The following IL4R variants were observed in gnomAD, a reference collection of about 807,000 sequenced individuals.
IL4R encodes the protein interleukin-4 receptor subunit alpha.
IL4R carries 17 observed loss-of-function variants against 41.5 expected under a neutral mutation model. The observed-to-expected ratio is 0.41, with a 90% CI of 0.28 to 0.61. The LOEUF is 0.61. Among genes scored for constraint, IL4R ranks in the 20% least tolerant of loss-of-function variants. The pLI, the probability that IL4R is intolerant of heterozygous loss-of-function variation, is 0.31. For synonymous variants in IL4R, 402 were observed against 422.9 expected (o/e 0.95, Z 0.61); for missense variants, 974 against 1,043.1 (o/e 0.93, Z 0.91).
In IL4R at chr16:27,363,775, C is replaced by T. The variant is rs764361627; in HGVS notation, c.2423C>T (p.Thr808Ile). Residue 808 changes from threonine (T) to isoleucine (I), a missense_variant, in exon 11 of 11, where the codon ACC becomes ATC. Thr to Ile is a moderately conservative substitution (Grantham distance 89). This residue lies in a region of IL4R where 682 missense variants were observed against 704.3 expected (regional missense o/e 0.97). Transcript: ENST00000395762. ...APGNAQSSSQ[T>I]PKIVNFVSVG... ...GGCAATGCTCAGAGCTCAAGCCAGA[C>T]CCCCAAAATCGTGAACTTTGTCTCC... The T allele has an allele frequency of 1.5e-5, 24 of 1,611,068 alleles. No individual in the cohort carries two copies. The highest frequency in any genetic ancestry group is 1.3e-5 in the Non-Finnish European group (15 of 1,179,994).
At chr16:27,358,214 C>G (rs904673370) in intron 8 of IL4R, among the ~76,000 whole-genome samples, 1 of 152,222 alleles carries the variant, frequency 6.6e-6, no homozygotes, top group Admixed American at 6.5e-5. Context: ...ATTTCTGTCT[C>G]CATTTATCAT....
chr16:27,315,152 T>TGC (rs1567300015), intron 1 of IL4R, among the ~76,000 whole-genome samples: 1 of 152,168 alleles, frequency 6.6e-6, no homozygotes, highest in Non-Finnish European at 1.5e-5. Flanking sequence ...CTGCCCCCAG[T>TGC]AGCCTATGAG....
At chr16:27,329,461 A>G (rs1337161798) in intron 1 of IL4R, among the ~76,000 whole-genome samples, 1 of 152,042 alleles carries the variant, frequency 6.6e-6, no homozygotes, top group East Asian at 1.9e-4. Context: ...GGATCACTTG[A>G]GGTCAGGAGT....
intron 2 of IL4R, among the ~76,000 whole-genome samples, chr16:27,332,445 A>G (rs575512888): frequency 4.6e-5 from 7 of 152,066 alleles, no homozygotes; most frequent in Non-Finnish European, 1.0e-4. Context: ...ATCACCTCCC[A>G]TGAGGTCCTT....
At chr16:27,352,157 T>TAA (rs1353254251) in intron 6 of IL4R, among the ~76,000 whole-genome samples, 6 of 152,286 alleles carry the variant, frequency 3.9e-5, no homozygotes, top group Non-Finnish European at 7.3e-5. Context: ...GATAGGCACT[T>TAA]TTATTATCTT....
chr16:27,333,093 G>C (rs753524575), intron 2 of IL4R, among the ~76,000 whole-genome samples: 2 of 151,762 alleles, frequency 1.3e-5, no homozygotes, highest in Non-Finnish European at 2.9e-5. Flanking sequence ...AATGTGGTCT[G>C]TCTTGGTGAT....
Position 27,364,024 on chromosome 16 carries a change from G to T in IL4R, c.*194G>T. ...GAGACTGGACCCCGCCCAGCATTGG[G>T]CTGGGCTCGCCACATCCCATGAGAG... is the stretch of plus-strand genomic sequence containing the variant. On this transcript the variant is annotated 3_prime_UTR_variant, in exon 11 of 11. Coordinates refer to ENST00000395762, the MANE Select transcript of IL4R (RefSeq NM_000418.4). 1.6e-6 allele frequency: 1 copy of T among 638,236 alleles called. No homozygotes were observed. The highest frequency in any genetic ancestry group is 2.0e-5 in the South Asian group (1 of 49,864). 39.5% of individuals were successfully genotyped at this position (638,236 alleles called of 1,614,324 possible). A position where few individuals can be genotyped will look rare whatever the true frequency, so the allele number is the denominator to read the frequency against.
intron 3 of IL4R, among the ~76,000 whole-genome samples, chr16:27,340,793 G>C (rs760056647): frequency 1.3e-5 from 2 of 152,154 alleles, no homozygotes; most frequent in Admixed American, 6.6e-5. Context: ...GGGTGGAGTG[G>C]GGGGGATTGC....
At chr16:27,362,161 A>AG in intron 10 of IL4R, 91 bp from the exon 11 acceptor site, 1 of 1,238,794 alleles carries the variant, frequency 8.1e-7, no homozygotes, top group Non-Finnish European at 1.2e-6. Context: ...GACAGCCATC[A>AG]GGACATGGTG....
chr16:27,330,439 C>G (rs2085082639), intron 2 of IL4R, among the ~76,000 whole-genome samples: 3 of 151,862 alleles, frequency 2.0e-5, no homozygotes, highest in South Asian at 2.1e-4. Context: ...GAGACCCCTG[C>G]TTCTATGCTG....
chr16:27,359,841 C>G (rs1235016674), intron 9 of IL4R: 1 of 456,416 alleles, frequency 2.2e-6, no homozygotes, highest in East Asian at 6.9e-5. Context: ...AACAAACGAC[C>G]CCGAAATGTA....
chr16:27,317,290 C>T (rs569285042), intron 1 of IL4R, among the ~76,000 whole-genome samples: 3 of 152,126 alleles, frequency 2.0e-5, no homozygotes, highest in South Asian at 4.1e-4. Context: ...AACTGAGACC[C>T]GGAGATGAAT....
chr16:27,328,205 C>CAAAAAAAAAAAAAAAAAAA (rs779355998), intron 1 of IL4R, among the ~76,000 whole-genome samples: 2 of 70,508 alleles, frequency 2.8e-5, no homozygotes, highest in African/African-American at 1.0e-4. Context: ...GGCTCCATCT[C>CAAAAAAAAAAAAAAAAAAA]AAAAAAAAAA....
Position 27,336,843 on chromosome 16 carries a change from C to T in IL4R, c.-18-3343C>T, listed in dbSNP as rs540750945. On this transcript the variant is annotated intron_variant, in intron 2 of 10. Transcript: ENST00000395762. ...CCTGTAATCCCAGCACTTTGGGAGG[C>T]TGAGGCAGGCGGATCACCTGGGGTC... Among the ~76,000 whole-genome samples, 21 of 152,100 alleles carry T rather than the reference C, an allele frequency of 1.4e-4. No homozygotes were observed. In the South Asian group the frequency reaches 4.1e-3, roughly 30 times the overall value.
intron 6 of IL4R, among the ~76,000 whole-genome samples, chr16:27,352,082 A>G (rs983851645): frequency 3.9e-5 from 6 of 151,972 alleles, no homozygotes; most frequent in Non-Finnish European, 7.4e-5. Flanking sequence ...TGTATACCAA[A>G]CCCTATTTGA....
chr16:27,322,236 T>C (rs1415347023), intron 1 of IL4R, among the ~76,000 whole-genome samples: 1 of 152,150 alleles, frequency 6.6e-6, no homozygotes, highest in African/African-American at 2.4e-5. Context: ...GTTAAGTGCA[T>C]AGCCATATGA....
In IL4R at chr16:27,362,597, C is replaced by T. The variant is rs35357296; in HGVS notation, c.1245C>T (p.Leu415=). The T allele has an allele frequency of 3.0e-5, 48 of 1,614,106 alleles. No individual in the cohort carries two copies. Among genetic ancestry groups the T allele is most frequent in the African/African-American group, 2.4e-4 (18 of 75,006 alleles). The stretch of plus-strand genomic sequence containing the variant: ...CAGAGAGCCTGTTCCTGGACCTGCT[C>T]GGAGAGGAGAATGGGGGCTTTTGCC... ...RLTESLFLDL[L]GEENGGFCQQ... is the part of the protein sequence containing the mutation. The change falls in exon 11 of 11, where the codon CTC becomes CTT. Residue 415 remains leucine, a synonymous_variant. Transcript: ENST00000395762.
In IL4R at chr16:27,314,010, G is replaced by GGGGCGCGCAGGTAGGATCCGGGGC; in HGVS notation, c.-161_-152+14dup. 3 of 984,974 alleles carry GGGGCGCGCAGGTAGGATCCGGGGC rather than the reference G, an allele frequency of 3.0e-6. No individual in the cohort carries two copies. Among genetic ancestry groups the GGGGCGCGCAGGTAGGATCCGGGGC allele is most frequent in the Non-Finnish European group, 3.6e-6 (3 of 829,792 alleles). 61.0% of individuals were successfully genotyped at this position (984,974 alleles called of 1,614,324 possible). A position where few individuals can be genotyped will look rare whatever the true frequency, so the allele number is the denominator to read the frequency against. ...GGGCGCCCGGACGGCGAATGGAGCA[G>GGGGCGCGCAGGTAGGATCCGGGGC]GGGCGCGCAGGTAGGATCCGGGGCC... On this transcript the variant is annotated 5_prime_UTR_variant, in exon 1 of 11. Transcript: ENST00000395762.
chr16:27,326,755 TG>T (rs1198503007), intron 1 of IL4R, among the ~76,000 whole-genome samples: 1 of 152,150 alleles, frequency 6.6e-6, no homozygotes, highest in Non-Finnish European at 1.5e-5. Context: ...TGGTGGGTGC[TG>T]TTGGTGGAGG....
Sources: gnomAD v4.1 joint callset for allele counts (sites outside exome capture counted in the v4.1 genomes callset) on GRCh38, gnomAD v4.1.1 for gene constraint, gnomAD v4.1.1 regional missense constraint, MANE v1.5 for transcripts, NCBI Gene and HGNC (gene_info 2026-07-23, HGNC 2026-07-21) for gene names.